ANKRD44: variants seen among roughly 807,000 people sequenced by gnomAD.
The protein encoded by ANKRD44 is serine/threonine-protein phosphatase 6 regulatory ankyrin repeat subunit B.
A neutral mutation model predicts 116.0 loss-of-function variants in ANKRD44; 35 were observed. That is an observed-to-expected ratio of 0.30 (90% CI 0.23 to 0.40). The LOEUF (loss-of-function observed/expected upper bound fraction) is 0.40, where lower values mean the gene tolerates loss of function less well. ANKRD44 is among the 10% of genes least tolerant of loss of function. The pLI is 1.00. For missense variants in ANKRD44, 1,014 were observed against 1,242.6 expected, an observed-to-expected ratio of 0.82 and a Z score of 2.77; for synonymous variants, 435 against 461.8, an observed-to-expected ratio of 0.94 and a Z score of 0.74.
chr2:197,028,553 C>A (rs2076641682), intron 16 of ANKRD44, among the ~76,000 whole-genome samples: 1 of 152,228 alleles, frequency 6.6e-6, no homozygotes, highest in Non-Finnish European at 1.5e-5. Flanking sequence ...CACCACATTT[C>A]CTAGACTCCC....
chr2:197,148,472 G>A (rs183929656), intron 2 of ANKRD44, among the ~76,000 whole-genome samples: 42 of 152,220 alleles, frequency 2.8e-4, no homozygotes, highest in Admixed American at 1.2e-3. Context: ...TCTTGGATTC[G>A]CTGTTGATTT....
intron 4 of ANKRD44, among the ~76,000 whole-genome samples, chr2:197,129,106 C>T (rs1419931201): frequency 2.0e-5 from 3 of 151,820 alleles, no homozygotes; most frequent in Non-Finnish European, 4.4e-5. Context: ...TGCTGTGAAT[C>T]ATGCTCCTTC....
chr2:197,098,671 C>T lies in ANKRD44; in HGVS notation c.1100+1145G>A, dbSNP rs553347052. 3.3e-5 allele frequency among the ~76,000 whole-genome samples: 5 copies of T among 152,190 alleles called. 1 individual carries two copies. The highest frequency in any genetic ancestry group is 2.0e-4 in the Admixed American group (3 of 15,294). On this transcript the variant is annotated intron_variant, in intron 10 of 27. Coordinates refer to ENST00000282272, the MANE Select transcript of ANKRD44 (RefSeq NM_001195144.2). ...CACTGTTCAAAGAGCTTTTAACATG[C>T]GTTATCTTTTTAATAACCTTAGGAG...
At chr2:197,273,977 AAAAATATATATATATATATAT>A (rs1381131722) in intron 1 of ANKRD44, among the ~76,000 whole-genome samples, 4 of 51,312 alleles carry the variant, frequency 7.8e-5, no homozygotes, top group East Asian at 4.0e-4. Flanking sequence ...AAAAAAAAAA[AAAAATATATATATATATATAT>A]ATATATATAT....
intron 6 of ANKRD44, among the ~76,000 whole-genome samples, chr2:197,123,789 G>T (rs377107949): frequency 1.6e-4 from 24 of 152,220 alleles, no homozygotes; most frequent in East Asian, 9.6e-4. Context: ...GTGTGTTGGG[G>T]TGGGGGGAAA....
chr2:197,301,964 G>A (rs1221597439), intron 1 of ANKRD44, among the ~76,000 whole-genome samples: 1 of 152,168 alleles, frequency 6.6e-6, no homozygotes, highest in African/African-American at 2.4e-5. Context: ...TAAATAGTGT[G>A]GTCAGAAAGG....
intron 1 of ANKRD44, among the ~76,000 whole-genome samples, chr2:197,223,275 A>C (rs961440235): frequency 6.6e-6 from 1 of 152,236 alleles, no homozygotes; most frequent in African/African-American, 2.4e-5. Flanking sequence ...ACTTCACAGT[A>C]AACCACTATC....
chr2:197,115,641 G>A (rs1443284153), intron 8 of ANKRD44, among the ~76,000 whole-genome samples: 1 of 152,172 alleles, frequency 6.6e-6, no homozygotes. Flanking sequence ...GATAGGTAAT[G>A]GCTGCATTTC....
chr2:197,168,418 G>T (rs2080149767), intron 2 of ANKRD44, among the ~76,000 whole-genome samples: 1 of 152,132 alleles, frequency 6.6e-6, no homozygotes, highest in African/African-American at 2.4e-5. Flanking sequence ...TTCAAACTCA[G>T]GGTAACCAGG....
chr2:197,126,954 C>T (rs1276705691), intron 4 of ANKRD44, among the ~76,000 whole-genome samples: 1 of 151,800 alleles, frequency 6.6e-6, no homozygotes, highest in Non-Finnish European at 1.5e-5. Context: ...TGACACTGCA[C>T]TCCGGCCTGG....
chr2:197,138,439 TAAG>T (rs113464445), intron 3 of ANKRD44, among the ~76,000 whole-genome samples: 17,530 of 152,228 alleles, frequency 0.12, 1,146 homozygotes, highest in Middle Eastern at 0.14. Context: ...CAGATGTGAT[TAAG>T]AACAGCAAAA....
At chr2:197,054,681 A>G (rs931927440) in intron 16 of ANKRD44, among the ~76,000 whole-genome samples, 1 of 152,160 alleles carries the variant, frequency 6.6e-6, no homozygotes, top group Admixed American at 6.5e-5. Context: ...CTTGTTAACC[A>G]CTGGGGAATT....
chr2:197,241,056 T>C (rs1436774992), intron 1 of ANKRD44, among the ~76,000 whole-genome samples: 1 of 152,090 alleles, frequency 6.6e-6, no homozygotes, highest in Non-Finnish European at 1.5e-5. Context: ...TTTAAGTCTA[T>C]TCCTCCTTTC....
chr2:197,293,059 T>C (rs2105882994), intron 1 of ANKRD44, among the ~76,000 whole-genome samples: 1 of 152,244 alleles, frequency 6.6e-6, no homozygotes, highest in Non-Finnish European at 1.5e-5. Flanking sequence ...AAACAAATAT[T>C]AGCAATATTT....
intron 4 of ANKRD44, among the ~76,000 whole-genome samples, chr2:197,133,633 G>T (rs2079142652): frequency 6.6e-6 from 1 of 152,138 alleles, no homozygotes; most frequent in Admixed American, 6.6e-5. Context: ...CCAATCTAAA[G>T]AACAGACCTG....
rs983390393 is a variant in ANKRD44 at position 196,993,815 on chromosome 2, A to G, written c.2832-141T>C. Reference sequence around the variant, plus strand: ...GGATGTTTTTACTTAAGAAAAAAAAATGCTGACCAGATCTTTTCCAGGTGC... The same window carrying G: ...GGATGTTTTTACTTAAGAAAAAAAAGTGCTGACCAGATCTTTTCCAGGTGC... On this transcript the variant is annotated intron_variant, in intron 26 of 27. Transcript: ENST00000282272. 1.1e-5 allele frequency: 7 copies of G among 657,376 alleles called. No homozygotes were observed. The African/African-American group carries it at 1.1e-4, about 10-fold the overall frequency. 40.7% of individuals were successfully genotyped at this position (657,376 alleles called of 1,614,324 possible).
intron 1 of ANKRD44, among the ~76,000 whole-genome samples, chr2:197,245,224 C>T (rs895354743): frequency 1.3e-5 from 2 of 152,168 alleles, no homozygotes; most frequent in African/African-American, 4.8e-5. Flanking sequence ...TGTGCCACTG[C>T]ACTCCAGCCT....
intron 16 of ANKRD44, among the ~76,000 whole-genome samples, chr2:197,046,379 T>G (rs2077001322): frequency 6.6e-6 from 1 of 152,206 alleles, no homozygotes; most frequent in Non-Finnish European, 1.5e-5. Flanking sequence ...TTCTAGTAAT[T>G]TAAATCAAAT....
In ANKRD44 at chr2:197,232,830, G is replaced by A. The variant is rs185018929; in HGVS notation, c.28-45724C>T. On this transcript the variant is annotated intron_variant, in intron 1 of 27. Transcript: ENST00000282272. ...CCACATAAGAGAGCAGAACTCTCAC[G>A]CACTTCTCACAAGCATACCAAGAAG... 3.3e-3 allele frequency among the ~76,000 whole-genome samples: 502 copies of A among 152,254 alleles called. 1 individual carries two copies. The highest frequency in any genetic ancestry group is 0.011 in the African/African-American group (474 of 41,550).
Sources: allele counts gnomAD v4.1 joint callset (sites outside exome capture counted in the v4.1 genomes callset), GRCh38; gene constraint gnomAD v4.1.1; transcripts MANE v1.5; gene names NCBI Gene and HGNC (gene_info 2026-07-23, HGNC 2026-07-21).